KCTD1: variants seen among roughly 807,000 people sequenced by gnomAD.
The protein encoded by KCTD1 is BTB/POZ domain-containing protein KCTD1.
Under a neutral mutation model 66.0 loss-of-function variants are expected in KCTD1, and 24 were observed. That is an observed-to-expected ratio of 0.36 (90% CI 0.26 to 0.51). KCTD1 has a LOEUF of 0.51. Ranked by LOEUF, KCTD1 falls within the 20% of genes least tolerant of loss-of-function variation. The pLI is 0.95. For missense variants in KCTD1, 943 were observed against 1,205.2 expected, an observed-to-expected ratio of 0.78 and a Z score of 3.22; for synonymous variants, 511 against 517.2, an observed-to-expected ratio of 0.99 and a Z score of 0.16.
At chr18:26,540,028 G>A (rs545737242) in intron 1 of KCTD1, among the ~76,000 whole-genome samples, 37 of 152,288 alleles carry the variant, frequency 2.4e-4, no homozygotes, top group African/African-American at 7.7e-4. Context: ...CTGGCACACA[G>A]TGAAAGGGCC....
At chr18:26,515,994 G>C (rs765712660) in intron 1 of KCTD1, among the ~76,000 whole-genome samples, 18 of 152,132 alleles carry the variant, frequency 1.2e-4, no homozygotes, top group Non-Finnish European at 8.8e-5. Context: ...GGGGCTGGGA[G>C]AACACAGCGG....
At chr18:26,628,719 A>C (rs1003641386) in intron 1 of KCTD1, among the ~76,000 whole-genome samples, 1 of 152,214 alleles carries the variant, frequency 6.6e-6, no homozygotes, top group African/African-American at 2.4e-5. Flanking sequence ...AGACAGCATT[A>C]GAAATTTCAT....
At chr18:26,495,389 T>C (rs938807712) in intron 2 of KCTD1, among the ~76,000 whole-genome samples, 1 of 152,164 alleles carries the variant, frequency 6.6e-6, no homozygotes, top group Non-Finnish European at 1.5e-5. Context: ...TAGCTCCACA[T>C]AAGCAATCCG....
chr18:26,568,999 A>T (rs989226899), intron 1 of KCTD1, among the ~76,000 whole-genome samples: 1 of 152,250 alleles, frequency 6.6e-6, no homozygotes, highest in Non-Finnish European at 1.5e-5. Flanking sequence ...AAAGGCAATT[A>T]GTCTGTTAAC....
At chr18:26,472,907 G>A (rs1483408865) in intron 3 of KCTD1, among the ~76,000 whole-genome samples, 2 of 152,204 alleles carry the variant, frequency 1.3e-5, no homozygotes, top group Admixed American at 6.5e-5. Context: ...CTGTGGCCTC[G>A]AAGACATGGG....
rs773490140 is a variant in KCTD1, at chr18:26,468,138, G to A, written c.2134-8213C>T. Among the ~76,000 whole-genome samples, 10 of 152,202 alleles carry A rather than the reference G, an allele frequency of 6.6e-5. No individual in the cohort carries two copies. Among genetic ancestry groups the A allele is most frequent in the Admixed American group, 5.9e-4 (9 of 15,282 alleles). On this transcript the variant is annotated intron_variant, in intron 3 of 4. Coordinates refer to ENST00000580059, the MANE Select transcript of KCTD1 (RefSeq NM_001142730.3). The surrounding 1 kb of genome is among the most constrained non-coding windows in gnomAD (Gnocchi z 4.8). ...TGTGTGTGCCTATGCATGCGTACAC[G>A]CTCATGTGCAGGGCATAAAACAACA...
chr18:26,640,345 G>C (rs1189567895), upstream of KCTD1: 1 of 152,226 alleles, frequency 6.6e-6, no homozygotes, highest in Non-Finnish European at 1.5e-5. Flanking sequence ...CAGGTGGTGG[G>C]GTAGCTGAGG....
At chr18:26,650,173 G>A (rs1988003973) in intron 1 of KCTD1, among the ~76,000 whole-genome samples, 2 of 152,196 alleles carry the variant, frequency 1.3e-5, no homozygotes, top group Admixed American at 6.5e-5. Flanking sequence ...GTTCCCAAAT[G>A]ATTGATCTAA....
intron 3 of KCTD1, among the ~76,000 whole-genome samples, chr18:26,473,329 T>C (rs1981167649): frequency 6.6e-6 from 1 of 152,036 alleles, no homozygotes; most frequent in Non-Finnish European, 1.5e-5. Context: ...AAACACTGCA[T>C]GTTCTCACTT....
intron 1 of KCTD1, among the ~76,000 whole-genome samples, chr18:26,639,503 T>C (rs548205911): frequency 4.2e-4 from 64 of 152,038 alleles, no homozygotes; most frequent in African/African-American, 1.3e-3. Context: ...ATGGTTATTA[T>C]AGAGAATTGG....
intron 3 of KCTD1, among the ~76,000 whole-genome samples, chr18:26,472,152 G>A (rs1446020980): frequency 1.3e-5 from 2 of 152,118 alleles, no homozygotes; most frequent in East Asian, 3.9e-4. Flanking sequence ...GGCAGACAGA[G>A]TGAGCTCATT....
At chr18:26,467,457 G>A (rs146398813) in intron 3 of KCTD1, among the ~76,000 whole-genome samples, 464 of 152,298 alleles carry the variant, frequency 3.0e-3, no homozygotes, top group African/African-American at 0.011. Flanking sequence ...GGTTGAGACT[G>A]CAGTGAGCTA....
rs958520862 is a variant in KCTD1, at chr18:26,455,613, TATAA to T, written c.*126_*129del. 45 of 1,076,574 alleles carry T rather than the reference TATAA, an allele frequency of 4.2e-5. No homozygotes were observed. In the African/African-American group the frequency reaches 6.8e-4, roughly 16 times the overall value. 66.7% of individuals were successfully genotyped at this position (1,076,574 alleles called of 1,614,324 possible). A position where few individuals can be genotyped will look rare whatever the true frequency, so the allele number is the denominator to read the frequency against. On this transcript the variant is annotated 3_prime_UTR_variant, in exon 5 of 5. Coordinates refer to ENST00000580059, the MANE Select transcript of KCTD1 (RefSeq NM_001142730.3). Reference sequence around the variant, plus strand: ...GAATACAGGTGTGGTCTCTATTGGATATAAATGTGTCTTTTATTCGATTTTACGT... The same window carrying T: ...GAATACAGGTGTGGTCTCTATTGGATATGTGTCTTTTATTCGATTTTACGT...
Position 26,547,905 on chromosome 18 carries a change from A to T in KCTD1, c.632T>A (p.Phe211Tyr). Residue 211 changes from phenylalanine (F) to tyrosine (Y), a missense_variant, in exon 1 of 5, where the codon TTC (phenylalanine) becomes TAC (tyrosine). By Grantham distance (22) the Phe-to-Tyr change is conservative. Coordinates refer to ENST00000580059, the MANE Select transcript of KCTD1 (RefSeq NM_001142730.3). The stretch of plus-strand genomic sequence containing the variant: ...GCTTTTGGAGCGGGCCTCGGCATAG[A>T]AGGAGCGCAGCACGCGGCACAGCGC... The part of the protein sequence containing the change: ...KGALCRVLRS[F>Y]YAEARSKSGQ... The T allele has an allele frequency of 6.5e-7, 1 of 1,543,782 alleles. No individual in the cohort carries two copies. The highest frequency in any genetic ancestry group is 8.7e-7 in the Non-Finnish European group (1 of 1,146,830).
intron 2 of KCTD1, among the ~76,000 whole-genome samples, chr18:26,492,301 G>T (rs1357002431): frequency 6.6e-6 from 1 of 151,960 alleles, no homozygotes; most frequent in Non-Finnish European, 1.5e-5. Context: ...TGTTGTTGTT[G>T]AGTCCCAGTT....
intron 2 of KCTD1, among the ~76,000 whole-genome samples, chr18:26,485,833 CAAT>C (rs1424854707): frequency 2.0e-5 from 3 of 151,512 alleles, no homozygotes; most frequent in Non-Finnish European, 4.4e-5. Flanking sequence ...TTCCATTTCA[CAAT>C]AATAATTGCT....
intron 1 of KCTD1, among the ~76,000 whole-genome samples, chr18:26,505,739 TG>T (rs1243825196): frequency 6.6e-6 from 1 of 152,166 alleles, no homozygotes; most frequent in Non-Finnish European, 1.5e-5. Context: ...AACATTTTTT[TG>T]TAGACACAGG....
chr18:26,473,422 A>T (rs768068302), intron 3 of KCTD1, among the ~76,000 whole-genome samples: 10 of 152,092 alleles, frequency 6.6e-5, no homozygotes, highest in Non-Finnish European at 1.3e-4. Context: ...GGATAGGGGG[A>T]GGGAGAGCAT....
chr18:26,458,613 G>A (rs71362641), intron 4 of KCTD1: 5,514 of 152,408 alleles, frequency 0.036, 150 homozygotes, highest in East Asian at 0.052. Context: ...GCAGAGAGTC[G>A]GTGCTCAGCA....
Sources: allele counts gnomAD v4.1 joint callset (sites outside exome capture counted in the v4.1 genomes callset), GRCh38; gene constraint gnomAD v4.1.1; non-coding constraint Gnocchi (gnomAD v3.1); transcripts MANE v1.5; gene names NCBI Gene and HGNC (gene_info 2026-07-23, HGNC 2026-07-21).